Variants in SNX18 observed in about 807,000 individuals in gnomAD.
SNX18 encodes sorting nexin 18.
A neutral mutation model predicts 48.7 loss-of-function variants in SNX18; 35 were observed. That is an observed-to-expected ratio of 0.72 (90% CI 0.55 to 0.95). SNX18 has a LOEUF of 0.95. SNX18 is among the 40% of genes least tolerant of loss of function. The pLI, the probability that SNX18 is intolerant of heterozygous loss-of-function variation, is 0.00. For missense variants in SNX18, 824 were observed against 871.0 expected (o/e 0.95, Z 0.68); for synonymous variants, 492 against 384.7 (o/e 1.28, Z -3.26).
the SNX18 span, among the ~76,000 whole-genome samples, chr5:54,601,916 A>G: frequency 6.6e-6 from 1 of 152,292 alleles, no homozygotes; most frequent in South Asian, 2.1e-4. Flanking sequence ...GAAACCAGGA[A>G]TTTGGAGCAG....
the SNX18 span, among the ~76,000 whole-genome samples, chr5:54,580,535 A>G: frequency 5.3e-5 from 8 of 152,174 alleles, no homozygotes; most frequent in Non-Finnish European, 8.8e-5. Context: ...TCTTCTATTT[A>G]GCTAAAGACT....
At position 54,545,113 on chromosome 5, in the gene SNX18, A is replaced by G. The variant is rs1378605928; in HGVS notation, c.*1681A>G. 1 of 152,168 alleles carries G rather than the reference A, an allele frequency of 6.6e-6. No homozygotes were observed. The highest frequency in any genetic ancestry group is 2.4e-5 in the African/African-American group (1 of 41,448). The allele number at this position is 152,168 out of a possible 1,614,324, so 9.4% of individuals were successfully genotyped here. A position where few individuals can be genotyped will look rare whatever the true frequency, so the allele number is the denominator to read the frequency against. On this transcript the variant is annotated 3_prime_UTR_variant, in exon 2 of 2. Coordinates refer to ENST00000381410, the MANE Select transcript of SNX18 (RefSeq NM_001102575.2). Reference sequence around the variant, plus strand: ...AGATTATCATTTTGATATTTGGTCAAAATTTTGTACCTTAGGTTACTTAGA... The same window carrying G: ...AGATTATCATTTTGATATTTGGTCAGAATTTTGTACCTTAGGTTACTTAGA...
intron 1 of SNX18, among the ~76,000 whole-genome samples, chr5:54,525,634 A>T (rs1239310669): frequency 6.6e-6 from 1 of 152,114 alleles, no homozygotes; most frequent in Non-Finnish European, 1.5e-5. Flanking sequence ...AGTGTATGTA[A>T]ACTGTCTCCT....
the SNX18 span, among the ~76,000 whole-genome samples, chr5:54,640,072 A>G: frequency 6.6e-6 from 1 of 152,190 alleles, no homozygotes; most frequent in Non-Finnish European, 1.5e-5. Context: ...TTCAACATCT[A>G]ACTTCAGTGT....
intron 1 of SNX18, among the ~76,000 whole-genome samples, chr5:54,540,544 G>T (rs1185286217): frequency 1.3e-5 from 2 of 151,508 alleles, no homozygotes; most frequent in East Asian, 1.9e-4. Flanking sequence ...TAAATTGGTT[G>T]TTACGGATGG....
the SNX18 span, among the ~76,000 whole-genome samples, chr5:54,633,148 C>T: frequency 6.6e-6 from 1 of 152,046 alleles, no homozygotes; most frequent in Non-Finnish European, 1.5e-5. Context: ...CTCTTTCGAC[C>T]TGCCTGGTGA....
At position 54,518,047 on chromosome 5, in the gene SNX18, A is replaced by C; in HGVS notation, c.95A>C (p.Glu32Ala). The C allele has an allele frequency of 6.5e-7, 1 of 1,547,730 alleles. No individual in the cohort carries two copies. Among genetic ancestry groups the C allele is most frequent in the Non-Finnish European group, 8.7e-7 (1 of 1,151,352 alleles). Reference protein sequence around the residue: ...REHEVLSLCSEQDIEGWLEGV... With the variant: ...REHEVLSLCSAQDIEGWLEGV... ...CACGAGGTGCTGAGCCTGTGCAGCG[A>C]GCAGGACATCGAGGGCTGGCTCGAG... is the stretch of plus-strand genomic sequence containing the variant. The change falls in exon 1 of 2, where the codon GAG becomes GCG. Residue 32 changes from glutamate (E) to alanine (A), a missense_variant. Coordinates refer to ENST00000381410, the MANE Select transcript of SNX18 (RefSeq NM_001102575.2).
At chr5:54,580,030 A>G in the SNX18 span, among the ~76,000 whole-genome samples, 1 of 152,072 alleles carries the variant, frequency 6.6e-6, no homozygotes, top group South Asian at 2.1e-4. Context: ...TAATATGTCC[A>G]TACAGTCTGG....
chr5:54,558,820 C>T, the SNX18 span, among the ~76,000 whole-genome samples: 9 of 152,138 alleles, frequency 5.9e-5, no homozygotes, highest in Non-Finnish European at 8.8e-5. Flanking sequence ...CATGCCATGC[C>T]GAAATTCAGT....
At chr5:54,599,250 A>G in the SNX18 span, among the ~76,000 whole-genome samples, 1 of 152,102 alleles carries the variant, frequency 6.6e-6, no homozygotes, top group Non-Finnish European at 1.5e-5. Context: ...AAGAGAGTAA[A>G]ATACCTAAGA....
At chr5:54,528,434 T>G (rs2113064) in intron 1 of SNX18, among the ~76,000 whole-genome samples, 45,133 of 151,984 alleles carry the variant, frequency 0.3, 6,919 homozygotes, top group East Asian at 0.43. Flanking sequence ...GGAGTCCAGG[T>G]GATAGAGAGG....
chr5:54,563,030 TAAG>T, the SNX18 span, among the ~76,000 whole-genome samples: 2 of 152,080 alleles, frequency 1.3e-5, no homozygotes, highest in Admixed American at 1.3e-4. Context: ...GCATATAGAA[TAAG>T]AATATTAAAA....
At chr5:54,637,621 A>G in the SNX18 span, among the ~76,000 whole-genome samples, 5 of 152,208 alleles carry the variant, frequency 3.3e-5, no homozygotes, top group Admixed American at 2.6e-4. Context: ...ATAATTGAGG[A>G]GACACGCCAG....
At chr5:54,603,211 T>C in the SNX18 span, among the ~76,000 whole-genome samples, 4 of 147,396 alleles carry the variant, frequency 2.7e-5, no homozygotes, top group Admixed American at 2.7e-4. Context: ...AGGATCAAAG[T>C]TGTTTGGAAA....
At chr5:54,607,551 T>C in the SNX18 span, among the ~76,000 whole-genome samples, 1 of 152,238 alleles carries the variant, frequency 6.6e-6, no homozygotes, top group African/African-American at 2.4e-5. Context: ...CTGTATAGTA[T>C]TCCATGGTAG....
At chr5:54,575,175 T>C in the SNX18 span, among the ~76,000 whole-genome samples, 2 of 152,030 alleles carry the variant, frequency 1.3e-5, no homozygotes, top group East Asian at 3.9e-4. Flanking sequence ...TTGGGAGTCC[T>C]GACGTATCTT....
the SNX18 span, among the ~76,000 whole-genome samples, chr5:54,633,353 C>T: frequency 6.6e-6 from 1 of 152,112 alleles, no homozygotes; most frequent in Non-Finnish European, 1.5e-5. Flanking sequence ...AAGACATTCA[C>T]TCACTTCCCC....
chr5:54,571,548 C>T, the SNX18 span, among the ~76,000 whole-genome samples: 3 of 152,260 alleles, frequency 2.0e-5, no homozygotes, highest in South Asian at 2.1e-4. Context: ...CTGTGCTCCA[C>T]GAATAGGGGC....
At chr5:54,567,230 C>T in the SNX18 span, among the ~76,000 whole-genome samples, 8 of 149,956 alleles carry the variant, frequency 5.3e-5, no homozygotes, top group African/African-American at 1.5e-4. Context: ...TGTGTGTGTG[C>T]GTGTGTGTGT....
Sources: gnomAD v4.1 joint callset for allele counts (sites outside exome capture counted in the v4.1 genomes callset) on GRCh38, gnomAD v4.1.1 for gene constraint, MANE v1.5 for transcripts, NCBI Gene and HGNC (gene_info 2026-07-23, HGNC 2026-07-21) for gene names.